FLT4: variants seen among roughly 807,000 people sequenced by gnomAD.
The protein encoded by FLT4 is vascular endothelial growth factor receptor 3.
FLT4 carries 30 observed loss-of-function variants against 163.2 expected under a neutral mutation model. That is an observed-to-expected ratio of 0.18 (90% confidence interval 0.14 to 0.25). The LOEUF (loss-of-function observed/expected upper bound fraction) is 0.25, where lower values mean the gene tolerates loss of function less well. Ranked by LOEUF, FLT4 falls within the 10% of genes least tolerant of loss-of-function variation. The pLI is 1.00. For missense variants in FLT4, 1,510 were observed against 1,863.8 expected (o/e 0.81, Z 3.50); for synonymous variants, 884 against 789.5 (o/e 1.12, Z -2.01).
At chr5:180,625,657 A>G (rs1763545835) in intron 10 of FLT4, among the ~76,000 whole-genome samples, 1 of 152,154 alleles carries the variant, frequency 6.6e-6, no homozygotes, top group African/African-American at 2.4e-5. Flanking sequence ...CAGCTGATGG[A>G]GGATGGGTGC....
At chr5:180,616,567 C>T (rs1762708532) in intron 22 of FLT4, 78 bp from the exon 23 acceptor site, 1 of 1,546,584 alleles carries the variant, frequency 6.5e-7, no homozygotes, top group Admixed American at 1.7e-5. Context: ...CTCCAGGGTG[C>T]CCAAGCAGTG....
chr5:180,602,553 G>A lies in FLT4; in HGVS notation c.*639C>T, dbSNP rs1469864010. 2.0e-5 allele frequency: 8 copies of A among 399,778 alleles called. No homozygotes were observed. The highest frequency in any genetic ancestry group is 1.0e-4 in the African/African-American group (5 of 48,646). 24.8% of individuals were successfully genotyped at this position (399,778 alleles called of 1,614,324 possible). ...TCTCAACACCCAGGCGCAGGTGTGC[G>A]GGCTGCCTCTGTGTTGCCAGCGTAT... On this transcript the variant is annotated 3_prime_UTR_variant, in exon 30 of 30. Transcript: ENST00000261937.
chr5:180,646,264 C>T (rs992123372), intron 1 of FLT4, among the ~76,000 whole-genome samples: 21 of 152,154 alleles, frequency 1.4e-4, no homozygotes, highest in Non-Finnish European at 2.4e-4. Context: ...TCCTCTGTCC[C>T]CACCATCCCC....
chr5:180,619,871 T>C, intron 17 of FLT4, 102 bp from the exon 18 acceptor site: 1 of 874,042 alleles, frequency 1.1e-6, no homozygotes, highest in Non-Finnish European at 1.9e-6. Context: ...AGGACAGGCC[T>C]GGCAGCAGGA....
rs1045161974 is a variant in FLT4 at position 180,601,793 on chromosome 5, G to A, written c.*1399C>T. On this transcript the variant is annotated 3_prime_UTR_variant, in exon 30 of 30. Transcript: ENST00000261937. Reference sequence around the variant, plus strand: ...GGGGACGACGAAGATGACCTTATACGTGCACTCGGCATATCCTGGAGTAAC... The same window carrying A: ...GGGGACGACGAAGATGACCTTATACATGCACTCGGCATATCCTGGAGTAAC... 4 of 233,098 alleles carry A rather than the reference G, an allele frequency of 1.7e-5. No individual in the cohort carries two copies. Among genetic ancestry groups the A allele is most frequent in the African/African-American group, 6.6e-5 (3 of 45,294 alleles). 14.4% of individuals were successfully genotyped at this position (233,098 alleles called of 1,614,324 possible).
intron 1 of FLT4, among the ~76,000 whole-genome samples, chr5:180,641,152 C>T (rs1203872340): frequency 2.0e-5 from 3 of 152,240 alleles, no homozygotes; most frequent in African/African-American, 7.2e-5. Context: ...TCTGTCCTCC[C>T]TCGTCCTCTG....
Position 180,649,516 on chromosome 5 carries a change from T to A in FLT4, c.30A>T (p.Arg10=). The change falls in exon 1 of 30, where the codon CGA becomes CGT. Residue 10 remains arginine, a synonymous_variant. Transcript: ENST00000261937. MQRGAALCL[R]LWLCLGLLDG... Reference sequence around the variant, plus strand: ...CCAGGAGTCCCAGGCAGAGCCACAGTCGCAGGCACAGCGCGGCGCCCCGCT... The same window carrying A: ...CCAGGAGTCCCAGGCAGAGCCACAGACGCAGGCACAGCGCGGCGCCCCGCT... 1 of 1,451,026 alleles carries A rather than the reference T, an allele frequency of 6.9e-7. No individual in the cohort carries two copies. The highest frequency in any genetic ancestry group is 9.1e-7 in the Non-Finnish European group (1 of 1,103,500). 89.9% of individuals were successfully genotyped at this position (1,451,026 alleles called of 1,614,324 possible).
chr5:180,631,884 C>G, intron 1 of FLT4, 106 bp from the exon 2 acceptor site: 1 of 788,326 alleles, frequency 1.3e-6, no homozygotes, highest in South Asian at 1.4e-5. Context: ...CCTGCAGGGC[C>G]GGAGCAGCTC....
intron 13 of FLT4, 130 bp from the exon 14 acceptor site, chr5:180,621,382 CGGCGCGCCTCCGCA>C: frequency 1.4e-6 from 2 of 1,397,794 alleles, no homozygotes; most frequent in Non-Finnish European, 1.9e-6. Context: ...GGCAGGAGCG[CGGCGCGCCTCCGCA>C]GGGGGCGGCG....
At chr5:180,648,000 T>G (rs1314772629) in intron 1 of FLT4, among the ~76,000 whole-genome samples, 1 of 152,102 alleles carries the variant, frequency 6.6e-6, no homozygotes, top group Non-Finnish European at 1.5e-5. Context: ...CCTCCAGGGT[T>G]CCCCTCCCGG....
At chr5:180,606,025 C>G (rs1031022339) in intron 29 of FLT4, among the ~76,000 whole-genome samples, 1 of 152,218 alleles carries the variant, frequency 6.6e-6, no homozygotes, top group Non-Finnish European at 1.5e-5. Flanking sequence ...GGCACATTCT[C>G]TCCTTGCACC....
At chr5:180,637,811 T>C (rs1010753058) in intron 1 of FLT4, among the ~76,000 whole-genome samples, 1 of 152,162 alleles carries the variant, frequency 6.6e-6, no homozygotes, top group African/African-American at 2.4e-5. Flanking sequence ...ATTACAGGTG[T>C]GGGCCACCAT....
At position 180,620,439 on chromosome 5, in the gene FLT4, A is replaced by C; in HGVS notation, c.2407-131T>G. ...CTCAGTCAAGGAGGGGACAGAAAAAAAGACAGACAACCTCTGCGGGGTTGG... is the reference window on the plus strand; with the variant it reads ...CTCAGTCAAGGAGGGGACAGAAAAACAGACAGACAACCTCTGCGGGGTTGG... On this transcript the variant is annotated intron_variant, in intron 16 of 29. Transcript: ENST00000261937. This position sits in a 1 kb window ranked among gnomAD's most constrained non-coding sequence, Gnocchi z 4.4. 2.2e-6 allele frequency: 3 copies of C among 1,336,374 alleles called. No individual in the cohort carries two copies. Among genetic ancestry groups the C allele is most frequent in the Admixed American group, 1.7e-5 (1 of 57,722 alleles). 82.8% of individuals were successfully genotyped at this position (1,336,374 alleles called of 1,614,324 possible). A position where few individuals can be genotyped will look rare whatever the true frequency, so the allele number is the denominator to read the frequency against.
intron 1 of FLT4, among the ~76,000 whole-genome samples, chr5:180,647,050 C>A (rs1281837957): frequency 6.6e-6 from 1 of 152,340 alleles, no homozygotes; most frequent in Non-Finnish European, 1.5e-5. Context: ...ACTTGCATCC[C>A]TGGGCCACAC....
chr5:180,645,332 G>A (rs116722413), intron 1 of FLT4, among the ~76,000 whole-genome samples: 1,933 of 152,342 alleles, frequency 0.013, 42 homozygotes, highest in African/African-American at 0.042. Flanking sequence ...CCCAGCACAC[G>A]GCCGCCGTGG....
At chr5:180,615,143 GC>G (rs1182023221) in intron 23 of FLT4, among the ~76,000 whole-genome samples, 6 of 146,210 alleles carry the variant, frequency 4.1e-5, no homozygotes, top group Admixed American at 6.8e-5. Flanking sequence ...TCGGAGCACT[GC>G]GGCCCCGCTG....
intron 21 of FLT4, 144 bp downstream of exon 21, chr5:180,618,626 G>A (rs1200230685): frequency 3.6e-6 from 3 of 828,452 alleles, no homozygotes; most frequent in South Asian, 3.3e-5. Flanking sequence ...AATTGTCCCC[G>A]AGGTGTCTTC....
rs1262521571 is a variant in FLT4, at chr5:180,623,698, C to T, written c.1548+237G>A. Among the ~76,000 whole-genome samples the T allele has an allele frequency of 6.6e-6, 1 of 152,216 alleles. No individual in the cohort carries two copies. The highest frequency in any genetic ancestry group is 1.5e-5 in the Non-Finnish European group (1 of 68,028). On this transcript the variant is annotated intron_variant, in intron 11 of 29. Transcript: ENST00000261937. This position sits in a 1 kb window ranked among gnomAD's most constrained non-coding sequence, Gnocchi z 5.8. ...GGCCTGGCCAGGTGGCCTTGCATGT[C>T]AGCTTCCTTGTCTGGGAAGCCGCCA...
intron 1 of FLT4, among the ~76,000 whole-genome samples, chr5:180,641,640 G>A (rs1222967404): frequency 6.6e-6 from 1 of 152,182 alleles, no homozygotes. Flanking sequence ...GGACCTGGGG[G>A]GAGGCAGCAG....
Sources: allele counts gnomAD v4.1 joint callset (sites outside exome capture counted in the v4.1 genomes callset), GRCh38; gene constraint gnomAD v4.1.1; non-coding constraint Gnocchi (gnomAD v3.1); transcripts MANE v1.5; gene names NCBI Gene and HGNC (gene_info 2026-07-23, HGNC 2026-07-21).